PIGO: variants seen among roughly 807,000 people sequenced by gnomAD.
PIGO encodes phosphatidylinositol glycan anchor biosynthesis class O.
In PIGO, 66 loss-of-function variants were observed where a neutral mutation model predicts 86.9. The ratio of observed to expected loss-of-function variants is 0.76; its 90% CI spans 0.62 to 0.93. PIGO has a LOEUF of 0.93. PIGO is among the 40% of genes least tolerant of loss of function. PIGO has a pLI of 0.00. For synonymous variants in PIGO, 570 were observed against 556.4 expected (o/e 1.02, Z -0.34); for missense variants, 1,202 against 1,359.1 (o/e 0.88, Z 1.82).
In PIGO at chr9:35,093,477, A is replaced by T; in HGVS notation, c.883T>A (p.Ser295Thr). The change falls in exon 5 of 11, where the codon TCA becomes ACA. Residue 295 changes from serine (S) to threonine (T), a missense_variant. Ser to Thr is a moderately conservative substitution (Grantham distance 58, BLOSUM62 1). Coordinates refer to ENST00000378617, the MANE Select transcript of PIGO (RefSeq NM_032634.4). ...GGGCTATACAGAAAGAGAGCAGCTG[A>T]GACCTCCAGCTCACTGTCCCCTCCA... ...DHGGDSELEV[S>T]AALFLYSPTA... is the part of the protein sequence containing the mutation. The T allele has an allele frequency of 6.2e-7, 1 of 1,614,182 alleles. No homozygotes were observed. The highest frequency in any genetic ancestry group is 8.5e-7 in the Non-Finnish European group (1 of 1,180,030).
chr9:35,093,587 G>A lies in PIGO; in HGVS notation c.780-7C>T, dbSNP rs751631767. The stretch of plus-strand genomic sequence containing the variant: ...CAGACGCTCCACAAGTCCCCTGGGG[G>A]CCAATAAATGTGTCAGGAGTAGAAA... On this transcript the variant is annotated splice_region_variant and splice_polypyrimidine_tract_variant and intron_variant, in intron 4 of 10. Transcript: ENST00000378617. The A allele has an allele frequency of 2.5e-5, 39 of 1,591,728 alleles. No homozygotes were observed. The highest frequency in any genetic ancestry group is 3.3e-5 in the Non-Finnish European group (39 of 1,171,060).
chr9:35,089,606 C>T (rs1417189820), intron 9 of PIGO, 156 bp from the exon 10 acceptor site: 39 of 1,466,564 alleles, frequency 2.7e-5, no homozygotes, highest in Non-Finnish European at 3.4e-5. Flanking sequence ...AGTTAGGAGA[C>T]CTACTTCCTG....
Position 35,093,153 on chromosome 9 carries a change from G to A in PIGO, c.996C>T (p.Gly332=). The A allele has an allele frequency of 6.2e-7, 1 of 1,614,184 alleles. No individual in the cohort carries two copies. The highest frequency in any genetic ancestry group is 1.1e-5 in the South Asian group (1 of 91,088). The stretch of plus-strand genomic sequence containing the variant: ...CGATATTCCCAAATGGGATGGGCAG[G>A]CCCAGCAGCAGGGCCAGCGTGGGCA... ...SLVPTLALLL[G]LPIPFGNIGE... The change falls in exon 6 of 11, where the codon GGC becomes GGT. Residue 332 remains glycine, a synonymous_variant. Coordinates refer to ENST00000378617, the MANE Select transcript of PIGO (RefSeq NM_032634.4).
In PIGO at chr9:35,092,051, G is replaced by A; in HGVS notation, c.1836C>T (p.Asn612=). ...CATATGCACCATTGTGCCGTGGGGGGTTTGTTGTGGCTGAAGTGCCAAGGC... is the reference window on the plus strand; with the variant it reads ...CATATGCACCATTGTGCCGTGGGGGATTTGTTGTGGCTGAAGTGCCAAGGC... ...MPRLGTSATT[N]PPRHNGAYAL... is the part of the protein sequence containing the mutation. The change falls in exon 7 of 11, where the codon AAC becomes AAT. Residue 612 remains asparagine, a synonymous_variant. Transcript: ENST00000378617. 1.2e-6 allele frequency: 2 copies of A among 1,614,262 alleles called. No individual in the cohort carries two copies.
intron 5 of PIGO, 97 bp from the exon 6 acceptor site, chr9:35,093,306 A>G (rs775902368): frequency 1.3e-6 from 2 of 1,569,412 alleles, no homozygotes; most frequent in Non-Finnish European, 1.7e-6. Flanking sequence ...ATGAGAGTGG[A>G]GGATACCCAG....
chr9:35,092,364 A>C lies in PIGO; in HGVS notation c.1523T>G (p.Leu508Arg). 6.2e-7 allele frequency: 1 copy of C among 1,614,252 alleles called. No homozygotes were observed. Among genetic ancestry groups the C allele is most frequent in the Non-Finnish European group, 8.5e-7 (1 of 1,180,036 alleles). The change falls in exon 7 of 11, where the codon CTA becomes CGA. Residue 508 changes from leucine (L) to arginine (R), a missense_variant. Coordinates refer to ENST00000378617, the MANE Select transcript of PIGO (RefSeq NM_032634.4). ...CACAGCCCCTAGAAGCACTAGATCT[A>C]GCTTCAGCTCAATAGTTCCCAGGAG... ...AGLLGTIELK[L>R]DLVLLGAVAA... is the part of the protein sequence containing the mutation.
chr9:35,091,820 G>A lies in PIGO; in HGVS notation c.2067C>T (p.Arg689=). 2 of 1,613,728 alleles carry A rather than the reference G, an allele frequency of 1.2e-6. No homozygotes were observed. Among genetic ancestry groups the A allele is most frequent in the Non-Finnish European group, 1.7e-6 (2 of 1,180,036 alleles). The change falls in exon 7 of 11, where the codon CGC becomes CGT. Residue 689 remains arginine, a synonymous_variant. Coordinates refer to ENST00000378617, the MANE Select transcript of PIGO (RefSeq NM_032634.4). ...ALLAAVRLWL[R]RYGNLKSPEP... ...CGGGGCTCTTGAGATTACCATAGCG[G>A]CGAAGCCACAAGCGCACGGCAGCTA...
In PIGO at chr9:35,090,636, C is replaced by CA. The variant is rs142697885; in HGVS notation, c.2683dup (p.Trp895LeufsTer71). ...GAAGGTCTGTGTGGCCATGAGGGCC[C>CA]AAGCCGAGACTGCCTGCCATGGCAC... On this transcript the variant is annotated frameshift_variant, in exon 8 of 11. Coordinates refer to ENST00000378617, the MANE Select transcript of PIGO (RefSeq NM_032634.4). LOFTEE classifies it high-confidence loss of function. 6 of 1,597,888 alleles carry CA rather than the reference C, an allele frequency of 3.8e-6. No homozygotes were observed. The Admixed American group carries it at 7.0e-5, about 19-fold the overall frequency.
chr9:35,089,694 C>A lies in PIGO; in HGVS notation c.3070-244G>T, dbSNP rs1829326234. 1 of 1,412,058 alleles carries A rather than the reference C, an allele frequency of 7.1e-7. No homozygotes were observed. Among genetic ancestry groups the A allele is most frequent in the Non-Finnish European group, 9.2e-7 (1 of 1,087,168 alleles). The allele number at this position is 1,412,058 out of a possible 1,614,324, so 87.5% of individuals were successfully genotyped here. On this transcript the variant is annotated intron_variant, in intron 9 of 10. Transcript: ENST00000378617. Reference sequence around the variant, plus strand: ...CTGCAATGCTAACACTCAGGCTGTGCCCCCAGGATGGAGGAAGATATCAGT... The same window carrying A: ...CTGCAATGCTAACACTCAGGCTGTGACCCCAGGATGGAGGAAGATATCAGT...
rs1486039779 is a variant in PIGO, at chr9:35,092,382, C to T, written c.1505G>A (p.Gly502Glu). 2.5e-6 allele frequency: 4 copies of T among 1,614,244 alleles called. No individual in the cohort carries two copies. Among genetic ancestry groups the T allele is most frequent in the Admixed American group, 1.7e-5 (1 of 60,026 alleles). Reference sequence around the variant, plus strand: ...TAGATCTAGCTTCAGCTCAATAGTTCCCAGGAGTCCAGCATACGCTATGGC... The same window carrying T: ...TAGATCTAGCTTCAGCTCAATAGTTTCCAGGAGTCCAGCATACGCTATGGC... ...VGAIAYAGLL[G>E]TIELKLDLVL... Residue 502 changes from glycine (G) to glutamate (E), a missense_variant, in exon 7 of 11, where the codon GGA (glycine) becomes GAA (glutamate). Physicochemically the swap from Gly to Glu is moderately conservative, Grantham distance 98. Coordinates refer to ENST00000378617, the MANE Select transcript of PIGO (RefSeq NM_032634.4).
rs771252279 is a variant in PIGO, at chr9:35,095,114, C to T, written c.452G>A (p.Ser151Asn). Reference protein sequence around the residue: ...GSLPTFIDAGSNFASHAIVED... With the variant: ...GSLPTFIDAGNNFASHAIVED... ...CACTATGGCGTGGCTGGCGAAGTTACTACCAGCATCAATAAAGGTAGGCAG... is the reference window on the plus strand; with the variant it reads ...CACTATGGCGTGGCTGGCGAAGTTATTACCAGCATCAATAAAGGTAGGCAG... Residue 151 changes from serine (S) to asparagine (N), a missense_variant, in exon 2 of 11, where the codon AGT becomes AAT. Physicochemically the swap from Ser to Asn is conservative, Grantham distance 46. Transcript: ENST00000378617. 6.2e-7 allele frequency: 1 copy of T among 1,613,624 alleles called. No homozygotes were observed. The highest frequency in any genetic ancestry group is 1.7e-5 in the Admixed American group (1 of 59,990).
intron 9 of PIGO, 60 bp from the exon 10 acceptor site, chr9:35,089,510 GGA>G (rs1227611386): frequency 1.9e-6 from 3 of 1,610,386 alleles, no homozygotes; most frequent in Non-Finnish European, 1.7e-6. Flanking sequence ...CGGAGCAAAA[GGA>G]GAGTTTCTAT....
chr9:35,093,409 C>G lies in PIGO; in HGVS notation c.939+12G>C, dbSNP rs370844887. ...TACTGGGAGAACAGATGAGGAACAT[C>G]CCAGGCCTCACCTCTGGTGGGGTGC... On this transcript the variant is annotated intron_variant, in intron 5 of 10. Transcript: ENST00000378617. 152 of 1,613,850 alleles carry G rather than the reference C, an allele frequency of 9.4e-5. No homozygotes were observed. In the East Asian group the frequency reaches 1.3e-3, roughly 14 times the overall value.
rs116248521 is a variant in PIGO, at chr9:35,095,143, G to A, written c.423C>T (p.Gly141=). ...CAGCATCAATAAAGGTAGGCAGTGAGCCAGTGGTGAGGGCCTTGAGGCGCT... is the reference window on the plus strand; with the variant it reads ...CAGCATCAATAAAGGTAGGCAGTGAACCAGTGGTGAGGGCCTTGAGGCGCT... The part of the protein sequence containing the change: ...TMQRLKALTT[G]SLPTFIDAGS... Residue 141 remains glycine (G), a synonymous_variant, in exon 2 of 11, where the codon GGC becomes GGT. Coordinates refer to ENST00000378617, the MANE Select transcript of PIGO (RefSeq NM_032634.4). 3,010 of 1,614,210 alleles carry A rather than the reference G, an allele frequency of 1.9e-3. 44 individuals carry two copies. In the African/African-American group the frequency reaches 0.036, roughly 19 times the overall value.
At chr9:35,091,036 T>C (rs1275067356) in intron 7 of PIGO, 8 of 625,010 alleles carry the variant, frequency 1.3e-5, no homozygotes, top group Admixed American at 3.2e-5. Flanking sequence ...CTCCTCTCCA[T>C]GAACCCTGGG....
chr9:35,090,656 T>C lies in PIGO; in HGVS notation c.2664A>G (p.Pro888=), dbSNP rs780598733. 18 of 1,614,024 alleles carry C rather than the reference T, an allele frequency of 1.1e-5. No homozygotes were observed. Among genetic ancestry groups the C allele is most frequent in the Admixed American group, 1.7e-5 (1 of 59,996 alleles). ...GGGCCCAAGCCGAGACTGCCTGCCA[T>C]GGCACAGTAAAAGGACCTGGAAGAA... ...PVTTPGPFTV[P]WQAVSAWALM... Residue 888 remains proline (P), a synonymous_variant, in exon 8 of 11, where the codon CCA becomes CCG. Transcript: ENST00000378617.
chr9:35,091,237 T>C lies in PIGO; in HGVS notation c.2647+3A>G. 1 of 1,581,998 alleles carries C rather than the reference T, an allele frequency of 6.3e-7. No homozygotes were observed. The highest frequency in any genetic ancestry group is 8.6e-7 in the Non-Finnish European group (1 of 1,163,746). On this transcript the variant is annotated splice_donor_region_variant and intron_variant, in intron 7 of 10. Transcript: ENST00000378617. ...TTAAGTGAATCAGAGCTGAGATATT[T>C]ACCAGGGGTGGTGACGGGTATCCCA...
chr9:35,093,799 C>G (rs1829545349), intron 4 of PIGO, 102 bp downstream of exon 4: 3 of 1,544,120 alleles, frequency 1.9e-6, no homozygotes, highest in Non-Finnish European at 2.6e-6. Flanking sequence ...AGCAGAAGGC[C>G]TAGAGAAGAC....
Position 35,092,358 on chromosome 9 carries a change from AG to A in PIGO, c.1528del (p.Leu510Ter). On this transcript the variant is annotated frameshift_variant, in exon 7 of 11. Coordinates refer to ENST00000378617, the MANE Select transcript of PIGO (RefSeq NM_032634.4). LOFTEE classifies it high-confidence loss of function. ...LLGTIELKLD[L>X]VLLGAVAAVS... ...TGCAGCCACAGCCCCTAGAAGCACT[AG>A]ATCTAGCTTCAGCTCAATAGTTCCC... 6.2e-7 allele frequency: 1 copy of A among 1,614,252 alleles called. No homozygotes were observed. The highest frequency in any genetic ancestry group is 8.5e-7 in the Non-Finnish European group (1 of 1,180,036).
Sources: gnomAD v4.1 joint callset for allele counts on GRCh38, gnomAD v4.1.1 for gene constraint, MANE v1.5 for transcripts, NCBI Gene and HGNC (gene_info 2026-07-23, HGNC 2026-07-21) for gene names.